Variants in TLCD1 observed in about 807,000 individuals in gnomAD.
TLCD1 encodes the protein TLC domain containing 1, also known as TLC domain-containing protein 1.
A neutral mutation model predicts 21.2 loss-of-function variants in TLCD1; 21 were observed. The observed-to-expected ratio is 0.99, with a 90% CI of 0.70 to 1.42. The LOEUF is 1.42. TLCD1 is among the 40% of genes most tolerant of loss of function. The pLI, the probability that TLCD1 is intolerant of heterozygous loss-of-function variation, is 0.00. For missense variants in TLCD1, 344 were observed against 330.3 expected (o/e 1.04, Z -0.32); for synonymous variants, 168 against 134.8 (o/e 1.25, Z -1.71).
upstream of TLCD1, chr17:28,726,683 A>C (rs1346805492): frequency 2.8e-6 from 4 of 1,446,166 alleles, no homozygotes; most frequent in Admixed American, 5.9e-5. Context: ...CCCGCGTCCG[A>C]CAGTGGTCTC....
intron 1 of TLCD1, 46 bp downstream of exon 1, chr17:28,725,858 C>T (rs762080629): frequency 5.7e-5 from 90 of 1,590,756 alleles, no homozygotes; most frequent in Non-Finnish European, 2.0e-5. Context: ...CCCGGCTCCC[C>T]GCTCAGGATC....
chr17:28,724,567 G>C lies in TLCD1; in HGVS notation c.687C>G (p.Asp229Glu). Residue 229 changes from aspartate to glutamate, a missense_variant, in exon 4 of 4, where the codon GAC (aspartate) becomes GAG (glutamate). By Grantham distance (45) the Asp-to-Glu change is conservative. Coordinates refer to ENST00000292090, the MANE Select transcript of TLCD1 (RefSeq NM_138463.4). ...TCTTGGGGACATGCTCAGGGCAGAA[G>C]TCAGAGCGGAGGAGGCGGGAAAAGT... ...IIYFSRLLRS[D>E]FCPEHVPKKQ... 1 of 1,614,204 alleles carries C rather than the reference G, an allele frequency of 6.2e-7. No homozygotes were observed. Among genetic ancestry groups the C allele is most frequent in the African/African-American group, 1.3e-5 (1 of 75,040 alleles).
At chr17:28,725,222 CCTT>C in intron 3 of TLCD1, 79 bp downstream of exon 3, 1 of 1,499,986 alleles carries the variant, frequency 6.7e-7, no homozygotes, top group Non-Finnish European at 9.2e-7. Flanking sequence ...GAAAACACGG[CCTT>C]CTCCCAGATT....
rs761327158 is a variant in TLCD1, at chr17:28,725,977, G to A, written c.121C>T (p.Arg41Cys). Residue 41 changes from arginine to cysteine, a missense_variant, in exon 1 of 4, where the codon CGC (arginine) becomes TGC (cysteine). Physicochemically the swap from Arg to Cys is radical, Grantham distance 180. Transcript: ENST00000292090. ...AGCAGGTTGTGCCAGCGCCAGGTGC[G>A]CAGGGGGTCGGCGCGCACGTGCACG... is the stretch of plus-strand genomic sequence containing the variant. ...LPVHVRADPL[R>C]TWRWHNLLVS... 6.2e-7 allele frequency: 1 copy of A among 1,612,144 alleles called. No homozygotes were observed. Among genetic ancestry groups the A allele is most frequent in the South Asian group, 1.1e-5 (1 of 91,044 alleles).
rs755860468 is a variant in TLCD1 at position 28,724,580 on chromosome 17, A to C, written c.674T>G (p.Leu225Arg). 6 of 1,613,962 alleles carry C rather than the reference A, an allele frequency of 3.7e-6. No homozygotes were observed. Among genetic ancestry groups the C allele is most frequent in the African/African-American group, 1.3e-5 (1 of 74,858 alleles). ...CTCAGGGCAGAAGTCAGAGCGGAGGAGGCGGGAAAAGTAGATTATGATCAT... is the reference window on the plus strand; with the variant it reads ...CTCAGGGCAGAAGTCAGAGCGGAGGCGGCGGGAAAAGTAGATTATGATCAT... Reference protein sequence around the residue: ...DVMIIIYFSRLLRSDFCPEHV... With the variant: ...DVMIIIYFSRRLRSDFCPEHV... The change falls in exon 4 of 4, where the codon CTC (leucine) becomes CGC (arginine). Residue 225 changes from leucine (L) to arginine (R), a missense_variant. Physicochemically the swap from Leu to Arg is moderately radical, Grantham distance 102. Coordinates refer to ENST00000292090, the MANE Select transcript of TLCD1 (RefSeq NM_138463.4).
chr17:28,727,271 G>A (rs2034247159), upstream of TLCD1: 1 of 200,430 alleles, frequency 5.0e-6, no homozygotes, highest in African/African-American at 2.3e-5. Flanking sequence ...CAAGCCGTTT[G>A]AGTGTTTTCC....
intron 1 of TLCD1, 44 bp downstream of exon 1, chr17:28,725,860 C>T (rs767490109): frequency 6.3e-7 from 1 of 1,594,292 alleles, no homozygotes; most frequent in Non-Finnish European, 8.5e-7. Context: ...CGGCTCCCCG[C>T]TCAGGATCCC....
At chr17:28,727,000 G>C (rs1176232238), upstream of TLCD1, 2 of 620,172 alleles carry the variant, frequency 3.2e-6, no homozygotes, top group Non-Finnish European at 5.8e-6. Flanking sequence ...CTAGCCACTA[G>C]GTGTCAGCCT....
At chr17:28,725,281 C>G (rs748201674) in intron 3 of TLCD1, 23 bp downstream of exon 3, 5 of 1,613,094 alleles carry the variant, frequency 3.1e-6, no homozygotes, top group Non-Finnish European at 4.2e-6. Context: ...AGGCCTATAC[C>G]ACATAGTCTG....
At chr17:28,727,465 T>G (rs2034249576), upstream of TLCD1, 1 of 152,794 alleles carries the variant, frequency 6.5e-6, no homozygotes, top group Non-Finnish European at 1.5e-5. Flanking sequence ...CTTCCAGCAG[T>G]CATTCCACGT....
At chr17:28,726,421 T>A (rs537115775), upstream of TLCD1, among the ~76,000 whole-genome samples, 1 of 151,288 alleles carries the variant, frequency 6.6e-6, no homozygotes, top group South Asian at 2.1e-4. Context: ...TTCGGGTAAC[T>A]AGGAGCTGTG....
At chr17:28,726,873 A>G, upstream of TLCD1, 1 of 1,493,158 alleles carries the variant, frequency 6.7e-7, no homozygotes, top group Non-Finnish European at 9.1e-7. Flanking sequence ...CCTCCCTCAG[A>G]CAGTCCCGGC....
In TLCD1 at chr17:28,726,002, G is replaced by T. The variant is rs914532941; in HGVS notation, c.96C>A (p.Pro32=). ...GCAGGGGGTCGGCGCGCACGTGCAC[G>T]GGTAGGGGCAGGCGACAGAGCGCGC... The part of the protein sequence containing the change: ...LRRALCRLPL[P]VHVRADPLRT... The change falls in exon 1 of 4, where the codon CCC becomes CCA. Residue 32 remains proline (P), a synonymous_variant. Transcript: ENST00000292090. 20 of 1,608,598 alleles carry T rather than the reference G, an allele frequency of 1.2e-5. No homozygotes were observed. Among genetic ancestry groups the T allele is most frequent in the African/African-American group, 6.7e-5 (5 of 74,120 alleles).
In TLCD1 at chr17:28,724,897, G is replaced by A; in HGVS notation, c.361-4C>T. The A allele has an allele frequency of 1.9e-6, 3 of 1,610,520 alleles. No individual in the cohort carries two copies. Among genetic ancestry groups the A allele is most frequent in the Non-Finnish European group, 2.5e-6 (3 of 1,178,466 alleles). On this transcript the variant is annotated splice_region_variant and splice_polypyrimidine_tract_variant and intron_variant, in intron 3 of 3. Transcript: ENST00000292090. ...CGGAGAAGAAGGCACCCATGGCCTA[G>A]AGGGAAGAAAGAATAGGAGTTAGGG...
chr17:28,725,093 A>G (rs921112878), intron 3 of TLCD1, among the ~76,000 whole-genome samples, 200 bp from the exon 4 acceptor site: 1 of 152,134 alleles, frequency 6.6e-6, no homozygotes, highest in Admixed American at 6.5e-5. Flanking sequence ...GCTGTGGGTG[A>G]TGTTCAGTCT....
In TLCD1 at chr17:28,724,589, A is replaced by G. The variant is rs1441015186; in HGVS notation, c.665T>C (p.Phe222Ser). The change falls in exon 4 of 4, where the codon TTT becomes TCT. Residue 222 changes from phenylalanine (F) to serine (S), a missense_variant. By Grantham distance (155) the Phe-to-Ser change is radical. Coordinates refer to ENST00000292090, the MANE Select transcript of TLCD1 (RefSeq NM_138463.4). Reference sequence around the variant, plus strand: ...GAAGTCAGAGCGGAGGAGGCGGGAAAAGTAGATTATGATCATCACGTCCAG... The same window carrying G: ...GAAGTCAGAGCGGAGGAGGCGGGAAGAGTAGATTATGATCATCACGTCCAG... ...LMLDVMIIIY[F>S]SRLLRSDFCP... is the part of the protein sequence containing the mutation. 3 of 1,614,014 alleles carry G rather than the reference A, an allele frequency of 1.9e-6. No individual in the cohort carries two copies. The highest frequency in any genetic ancestry group is 2.7e-5 in the African/African-American group (2 of 74,884).
Position 28,726,138 on chromosome 17 carries a change from G to T in TLCD1, c.-41C>A. The T allele has an allele frequency of 7.1e-7, 1 of 1,415,624 alleles. No homozygotes were observed. Among genetic ancestry groups the T allele is most frequent in the South Asian group, 1.5e-5 (1 of 65,164 alleles). 87.7% of individuals were successfully genotyped at this position (1,415,624 alleles called of 1,614,324 possible). A position where few individuals can be genotyped will look rare whatever the true frequency, so the allele number is the denominator to read the frequency against. Reference sequence around the variant, plus strand: ...CGTCCGCCCTCGAGGCCGCCTCCTAGGTCTGTTCTGGGAACCGGGATCCCT... The same window carrying T: ...CGTCCGCCCTCGAGGCCGCCTCCTATGTCTGTTCTGGGAACCGGGATCCCT... On this transcript the variant is annotated 5_prime_UTR_variant, in exon 1 of 4. Coordinates refer to ENST00000292090, the MANE Select transcript of TLCD1 (RefSeq NM_138463.4).
upstream of TLCD1, chr17:28,727,645 A>T (rs1427896080): frequency 6.8e-6 from 1 of 146,518 alleles, no homozygotes; most frequent in Non-Finnish European, 1.5e-5. Context: ...TTTGAGATGG[A>T]GGCTCACTCT....
At chr17:28,726,776 A>T, upstream of TLCD1, 1 of 1,549,158 alleles carries the variant, frequency 6.5e-7, no homozygotes, top group Non-Finnish European at 8.7e-7. Context: ...CGCGCCCGCG[A>T]GGTGGGCACT....
Sources: allele counts gnomAD v4.1 joint callset (sites outside exome capture counted in the v4.1 genomes callset), GRCh38; gene constraint gnomAD v4.1.1; transcripts MANE v1.5; gene names NCBI Gene and HGNC (gene_info 2026-07-23, HGNC 2026-07-21).